PTPRD: variants seen among roughly 807,000 people sequenced by gnomAD.
PTPRD encodes protein tyrosine phosphatase receptor type D, also known as receptor-type tyrosine-protein phosphatase delta.
PTPRD carries 34 observed loss-of-function variants against 214.5 expected under a neutral mutation model. That is an observed-to-expected ratio of 0.16 (90% CI 0.12 to 0.21). The LOEUF is 0.21. Ranked by LOEUF, PTPRD falls within the 10% of genes least tolerant of loss-of-function variation. The probability of loss-of-function intolerance (pLI) is 1.00; values close to 1 mark genes in which losing one functional copy is unlikely to be tolerated. For missense variants in PTPRD, 2,545 were observed against 2,398.7 expected (o/e 1.06, Z -1.27); for synonymous variants, 1,128 against 845.7 (o/e 1.33, Z -5.79).
intron 10 of PTPRD, among the ~76,000 whole-genome samples, chr9:9,154,065 G>T (rs1043803369): frequency 5.3e-5 from 8 of 152,204 alleles, no homozygotes; most frequent in Non-Finnish European, 1.0e-4. Context: ...GGAGAATTTT[G>T]TGGTGCTTGA....
chr9:9,730,315 A>G (rs572401973), intron 7 of PTPRD, among the ~76,000 whole-genome samples: 18 of 152,266 alleles, frequency 1.2e-4, no homozygotes, highest in African/African-American at 3.8e-4. Context: ...AATTTGCATT[A>G]GAAAACTGAG....
Position 10,504,686 on chromosome 9 carries a change from G to T in PTPRD, c.-600+107712C>A, listed in dbSNP as rs561018543. Among the ~76,000 whole-genome samples, 8 of 152,252 alleles carry T rather than the reference G, an allele frequency of 5.3e-5. No homozygotes were observed. In the South Asian group the frequency reaches 1.7e-3, roughly 32 times the overall value. ...CTTTTATCAGCATTTTATAGAGAAA[G>T]AAACTGAGATTCAGAAAAAATAAAA... On this transcript the variant is annotated intron_variant, in intron 2 of 45. Transcript: ENST00000381196.
intron 4 of PTPRD, among the ~76,000 whole-genome samples, chr9:10,030,247 G>C (rs916993089): frequency 6.6e-6 from 1 of 152,176 alleles, no homozygotes; most frequent in Non-Finnish European, 1.5e-5. Context: ...GATAAGATAG[G>C]TGAGAAGGTG....
chr9:9,576,299 A>C (rs566631058), intron 7 of PTPRD, among the ~76,000 whole-genome samples: 79 of 152,304 alleles, frequency 5.2e-4, no homozygotes, highest in Non-Finnish European at 9.4e-4. Flanking sequence ...TTGAGAGGTG[A>C]TATAAAATGT....
chr9:9,134,896 T>C (rs369068178), intron 10 of PTPRD, among the ~76,000 whole-genome samples: 3 of 152,128 alleles, frequency 2.0e-5, no homozygotes, highest in African/African-American at 7.2e-5. Flanking sequence ...TTAGAAATGG[T>C]ACATAAAAAT....
chr9:8,418,520 A>T (rs2094119034), intron 35 of PTPRD, among the ~76,000 whole-genome samples: 1 of 152,086 alleles, frequency 6.6e-6, no homozygotes, highest in Non-Finnish European at 1.5e-5. Flanking sequence ...ATATCTGTGT[A>T]GTCTAGAAAA....
At chr9:9,483,353 G>C (rs2095496901) in intron 8 of PTPRD, among the ~76,000 whole-genome samples, 1 of 152,102 alleles carries the variant, frequency 6.6e-6, no homozygotes, top group Non-Finnish European at 1.5e-5. Context: ...GAGTCATTTA[G>C]GATGCGTGAA....
intron 2 of PTPRD, among the ~76,000 whole-genome samples, chr9:10,447,706 A>G (rs2098809425): frequency 6.6e-6 from 1 of 152,066 alleles, no homozygotes; most frequent in African/African-American, 2.4e-5. Flanking sequence ...AGTGAAGTAC[A>G]TGACCAGAGC....
rs114711934 is a variant in PTPRD, at chr9:8,745,561, A to C, written c.-103-11615T>G. The stretch of plus-strand genomic sequence containing the variant: ...ATGAAAGTTTATCCTATGAGTCAAA[A>C]ATTTTCTAAAGGGTCAATCTTTAAC... On this transcript the variant is annotated intron_variant, in intron 11 of 45. Coordinates refer to ENST00000381196, the MANE Select transcript of PTPRD (RefSeq NM_002839.4). Among the ~76,000 whole-genome samples, 641 of 152,248 alleles carry C rather than the reference A, an allele frequency of 4.2e-3. 4 individuals carry two copies. Among genetic ancestry groups the C allele is most frequent in the African/African-American group, 0.014 (593 of 41,562 alleles).
chr9:8,934,421 G>GTGTGTATATATA (rs1306403766), intron 11 of PTPRD, among the ~76,000 whole-genome samples: 4 of 27,332 alleles, frequency 1.5e-4, no homozygotes, highest in Non-Finnish European at 2.4e-4. Context: ...GTGTGTGTGT[G>GTGTGTATATATA]TATATATATA....
chr9:10,368,276 C>T (rs1008336226), intron 2 of PTPRD, among the ~76,000 whole-genome samples: 1 of 151,908 alleles, frequency 6.6e-6, no homozygotes, highest in African/African-American at 2.4e-5. Flanking sequence ...AAATGTAATA[C>T]AAAAAGAAGT....
At chr9:8,747,513 C>G (rs545786294) in intron 11 of PTPRD, among the ~76,000 whole-genome samples, 1 of 151,990 alleles carries the variant, frequency 6.6e-6, no homozygotes, top group African/African-American at 2.4e-5. Context: ...AAAAAGGAAC[C>G]GCCAAGCAGA....
intron 5 of PTPRD, among the ~76,000 whole-genome samples, chr9:9,813,775 T>C (rs888277743): frequency 1.3e-5 from 2 of 152,104 alleles, no homozygotes; most frequent in African/African-American, 4.8e-5. Context: ...AGGTCAGAAT[T>C]ACCCTCATAC....
intron 11 of PTPRD, among the ~76,000 whole-genome samples, chr9:8,945,838 T>A (rs2099060810): frequency 6.6e-6 from 1 of 152,178 alleles, no homozygotes; most frequent in African/African-American, 2.4e-5. Context: ...TTCCTTCAAG[T>A]CTCAGTTTAA....
At chr9:8,356,205 T>C (rs1212267411) in intron 39 of PTPRD, among the ~76,000 whole-genome samples, 1 of 152,144 alleles carries the variant, frequency 6.6e-6, no homozygotes, top group Non-Finnish European at 1.5e-5. Context: ...AGCCCACCTT[T>C]TGAGTTTTCT....
chr9:10,518,610 T>G (rs998526653), intron 2 of PTPRD, among the ~76,000 whole-genome samples: 37 of 152,068 alleles, frequency 2.4e-4, no homozygotes, highest in South Asian at 8.3e-4. Context: ...TTGGCTCACT[T>G]CAAGCTCCGC....
chr9:8,766,519 A>G (rs752465637), intron 11 of PTPRD, among the ~76,000 whole-genome samples: 9 of 152,220 alleles, frequency 5.9e-5, no homozygotes, highest in Non-Finnish European at 1.2e-4. Flanking sequence ...TTACTATCAA[A>G]TAGAAAATTA....
chr9:8,641,312 A>G (rs2096571243), intron 12 of PTPRD, among the ~76,000 whole-genome samples: 1 of 148,358 alleles, frequency 6.7e-6, no homozygotes, highest in South Asian at 2.1e-4. Context: ...GTGTACAAAA[A>G]AAAGAAATAT....
chr9:8,614,608 A>T (rs1173724072), intron 14 of PTPRD, among the ~76,000 whole-genome samples: 1 of 152,140 alleles, frequency 6.6e-6, no homozygotes, highest in African/African-American at 2.4e-5. Context: ...ACAGCTTCTC[A>T]TATCTTTGCA....
Sources: gnomAD v4.1 joint callset for allele counts (sites outside exome capture counted in the v4.1 genomes callset) on GRCh38, gnomAD v4.1.1 for gene constraint, MANE v1.5 for transcripts, NCBI Gene and HGNC (gene_info 2026-07-23, HGNC 2026-07-21) for gene names.